TNIP3: variants seen among roughly 807,000 people sequenced by gnomAD.
TNIP3 encodes the protein TNFAIP3 interacting protein 3, also known as TNFAIP3-interacting protein 3.
Under a neutral mutation model 54.1 loss-of-function variants are expected in TNIP3, and 34 were observed. The observed-to-expected ratio is 0.63, with a 90% CI of 0.48 to 0.84. The LOEUF is 0.84. Among genes scored for constraint, TNIP3 ranks in the 40% least tolerant of loss-of-function variants. The probability of loss-of-function intolerance (pLI) is 0.00; values close to 1 mark genes in which losing one functional copy is unlikely to be tolerated. For missense variants in TNIP3, 366 were observed against 387.6 expected, an observed-to-expected ratio of 0.94 and a Z score of 0.47; for synonymous variants, 134 against 136.8, an observed-to-expected ratio of 0.98 and a Z score of 0.14.
intron 3 of TNIP3, among the ~76,000 whole-genome samples, chr4:121,181,457 C>G (rs1724694846): frequency 6.6e-6 from 1 of 152,122 alleles, no homozygotes; most frequent in Admixed American, 6.5e-5. Flanking sequence ...ACACATTCAT[C>G]TGTAACTCCA....
intron 3 of TNIP3, among the ~76,000 whole-genome samples, chr4:121,172,897 CAAAG>C (rs1724050636): frequency 6.6e-6 from 1 of 152,036 alleles, no homozygotes; most frequent in South Asian, 2.1e-4. Context: ...GTTAAGAAAA[CAAAG>C]AAAATTACTA....
In TNIP3 at chr4:121,171,624, A is replaced by AG. The variant is rs1723944287; in HGVS notation, c.190-7479dup. Among the ~76,000 whole-genome samples, 7 of 152,352 alleles carry AG rather than the reference A, an allele frequency of 4.6e-5. No homozygotes were observed. The South Asian group carries it at 1.0e-3, about 23-fold the overall frequency. ...TTTCACCATCTGCCCCAGAAGAGAAAGGTTTCATGCCTCAGGAAAATGAAA... is the reference window on the plus strand; with the variant it reads ...TTTCACCATCTGCCCCAGAAGAGAAAGGGTTTCATGCCTCAGGAAAATGAAA... On this transcript the variant is annotated intron_variant, in intron 3 of 12. Coordinates refer to the TNIP3 transcript ENST00000507879.
rs760451255 is a variant in TNIP3 at position 121,138,647 on chromosome 4, G to A, written c.923C>T (p.Pro308Leu). 6.2e-7 allele frequency: 1 copy of A among 1,614,016 alleles called. No homozygotes were observed. Among genetic ancestry groups the A allele is most frequent in the Non-Finnish European group, 8.5e-7 (1 of 1,179,894 alleles). ...ACCATTTGCCTTGTGTTGTACATCTGGCGGAAGCTGGTCAAGAGCATACCA... is the reference window on the plus strand; with the variant it reads ...ACCATTTGCCTTGTGTTGTACATCTAGCGGAAGCTGGTCAAGAGCATACCA... ...YQWYALDQLP[P>L]DVQHKANGLS... Residue 308 changes from proline to leucine, a missense_variant, in exon 10 of 11, where the codon CCA becomes CTA. Transcript: ENST00000057513.
At chr4:121,184,832 G>T (rs565594378) in intron 2 of TNIP3, among the ~76,000 whole-genome samples, 2 of 152,262 alleles carry the variant, frequency 1.3e-5, no homozygotes, top group Non-Finnish European at 2.9e-5. Flanking sequence ...TGGTGCAAAA[G>T]GTTGCATATG....
chr4:121,215,715 T>G (rs900020038), intron 2 of TNIP3, among the ~76,000 whole-genome samples: 3 of 152,082 alleles, frequency 2.0e-5, no homozygotes, highest in Non-Finnish European at 2.9e-5. Context: ...AAGAACAGTT[T>G]ATCTGTGCCT....
At chr4:121,190,978 A>G (rs1243979480) in intron 2 of TNIP3, among the ~76,000 whole-genome samples, 3 of 152,318 alleles carry the variant, frequency 2.0e-5, no homozygotes, top group East Asian at 3.9e-4. Flanking sequence ...CATTTATTCC[A>G]AAGTTGAAAA....
In TNIP3 at chr4:121,154,594, T is replaced by C; in HGVS notation, c.449A>G (p.Lys150Arg). Residue 150 changes from lysine (K) to arginine (R), a missense_variant, in exon 5 of 11, where the codon AAG (lysine) becomes AGG (arginine). Physicochemically the swap from Lys to Arg is conservative, Grantham distance 26 (BLOSUM62 2). Transcript: ENST00000057513. ...LLKGKNTLANKEKEHYECEIK... is the reference protein window; with the variant it reads ...LLKGKNTLANREKEHYECEIK... ...TTCACATTCGTAATGTTCCTTTTCC[T>C]TGTTCGCAAGAGTATTTTTTCCCTT... 6.2e-7 allele frequency: 1 copy of C among 1,613,952 alleles called. No individual in the cohort carries two copies. The highest frequency in any genetic ancestry group is 8.5e-7 in the Non-Finnish European group (1 of 1,179,980).
intron 2 of TNIP3, among the ~76,000 whole-genome samples, chr4:121,199,499 C>T (rs941042004): frequency 1.3e-5 from 2 of 151,980 alleles, no homozygotes; most frequent in African/African-American, 2.4e-5. Context: ...GAGCAGGGAT[C>T]GATGAATGGG....
chr4:121,164,979 A>C (rs574387838), upstream of TNIP3, among the ~76,000 whole-genome samples: 1 of 152,102 alleles, frequency 6.6e-6, no homozygotes, highest in South Asian at 2.1e-4. Context: ...GTACAGATAA[A>C]AGCGTGGAAA....
chr4:121,146,065 G>T (rs1030277611), intron 7 of TNIP3, among the ~76,000 whole-genome samples: 1 of 149,816 alleles, frequency 6.7e-6, no homozygotes, highest in African/African-American at 2.5e-5. Flanking sequence ...ACCTATTATT[G>T]TATGAATTAT....
intron 2 of TNIP3, among the ~76,000 whole-genome samples, chr4:121,185,208 A>T (rs900760220): frequency 2.0e-5 from 3 of 152,058 alleles, no homozygotes; most frequent in Non-Finnish European, 2.9e-5. Context: ...CTCTTCCTTC[A>T]TGCTCTTTTT....
At chr4:121,208,448 G>C (rs562310999) in intron 2 of TNIP3, among the ~76,000 whole-genome samples, 65 of 152,222 alleles carry the variant, frequency 4.3e-4, no homozygotes, top group Non-Finnish European at 5.9e-4. Context: ...CAAGAGGGCA[G>C]CTTCAAATCT....
intron 2 of TNIP3, among the ~76,000 whole-genome samples, chr4:121,184,005 TC>T: frequency 6.6e-6 from 1 of 152,256 alleles, no homozygotes; most frequent in Non-Finnish European, 1.5e-5. Context: ...AAAACTGTCT[TC>T]CATGAAACCA....
At chr4:121,217,168 T>TA (rs1428153859), upstream of TNIP3, among the ~76,000 whole-genome samples, 1 of 152,206 alleles carries the variant, frequency 6.6e-6, no homozygotes, top group Non-Finnish European at 1.5e-5. Context: ...GGACTTACAG[T>TA]AGAATCTTGA....
intron 10 of TNIP3, among the ~76,000 whole-genome samples, chr4:121,137,080 T>C (rs1043538008): frequency 6.6e-6 from 1 of 152,154 alleles, no homozygotes; most frequent in African/African-American, 2.4e-5. Context: ...CATTTCTATT[T>C]TATGTAATCA....
At chr4:121,193,257 A>T (rs1293793319) in intron 2 of TNIP3, among the ~76,000 whole-genome samples, 1 of 152,140 alleles carries the variant, frequency 6.6e-6, no homozygotes, top group Non-Finnish European at 1.5e-5. Context: ...ATTCATATTC[A>T]TTCTCTTCTT....
chr4:121,187,495 T>A (rs905187941), intron 2 of TNIP3, among the ~76,000 whole-genome samples: 1 of 152,226 alleles, frequency 6.6e-6, no homozygotes, highest in Non-Finnish European at 1.5e-5. Context: ...AGCTTGTGAC[T>A]TTTTACTCTA....
chr4:121,164,885 T>C (rs557998503), upstream of TNIP3, among the ~76,000 whole-genome samples: 2 of 152,112 alleles, frequency 1.3e-5, no homozygotes, highest in Non-Finnish European at 2.9e-5. Context: ...TGAAGTGAAA[T>C]CTTCTCATGG....
intron 3 of TNIP3, among the ~76,000 whole-genome samples, chr4:121,176,813 T>C (rs1277666258): frequency 6.6e-6 from 1 of 152,214 alleles, no homozygotes; most frequent in Non-Finnish European, 1.5e-5. Context: ...AAGTATATAT[T>C]AATCTCTGAA....
Sources: allele counts gnomAD v4.1 joint callset (sites outside exome capture counted in the v4.1 genomes callset), GRCh38; gene constraint gnomAD v4.1.1; transcripts MANE v1.5; gene names NCBI Gene and HGNC (gene_info 2026-07-23, HGNC 2026-07-21).